The following STPG2 variants were observed in gnomAD, a reference collection of about 807,000 sequenced individuals.
STPG2 encodes the protein sperm-tail PG-rich repeat-containing protein 2.
In STPG2, 56 loss-of-function variants were observed where a neutral mutation model predicts 54.2. That is an observed-to-expected ratio of 1.03 (90% CI 0.83 to 1.29). STPG2 has a LOEUF of 1.29. Among genes scored for constraint, STPG2 ranks in the 50% most tolerant of loss-of-function variants. The pLI is 0.00. For missense variants in STPG2, 596 were observed against 544.9 expected (o/e 1.09, Z -0.93); for synonymous variants, 200 against 181.8 (o/e 1.10, Z -0.81).
At chr4:97,931,642 TTTTGTTTTTGGTTTTTTTG>T (rs1732549041) in intron 8 of STPG2, among the ~76,000 whole-genome samples, 1 of 64,646 alleles carries the variant, frequency 1.5e-5, no homozygotes. Context: ...CTTGAAGTTT[TTTTGTTTTTGGTTTTTTTG>T]TTTTTTGTTG....
intron 4 of STPG2, among the ~76,000 whole-genome samples, chr4:97,528,213 C>A (rs1731327232): frequency 6.6e-6 from 1 of 152,114 alleles, no homozygotes; most frequent in African/African-American, 2.4e-5. Context: ...CAGTTTTTTG[C>A]ATATGGCTAG....
intron 5 of STPG2, among the ~76,000 whole-genome samples, chr4:97,996,882 A>G (rs1467352409): frequency 6.6e-6 from 1 of 152,256 alleles, no homozygotes; most frequent in Non-Finnish European, 1.5e-5. Flanking sequence ...AAAAATGACA[A>G]TCAGGTACCA....
chr4:97,747,943 A>G (rs1263363953), intron 9 of STPG2, among the ~76,000 whole-genome samples: 1 of 151,478 alleles, frequency 6.6e-6, no homozygotes, highest in Non-Finnish European at 1.5e-5. Context: ...TTTTAAAACC[A>G]TGGCTAGTAA....
intron 8 of STPG2, among the ~76,000 whole-genome samples, chr4:97,939,294 G>A (rs1023244786): frequency 7.1e-6 from 1 of 141,566 alleles, no homozygotes; most frequent in African/African-American, 2.7e-5. Context: ...CTCTTGTTTG[G>A]GGGTGGAGAG....
chr4:97,943,624 G>A lies in STPG2; in HGVS notation c.1044+273C>T, dbSNP rs932284190. On this transcript the variant is annotated intron_variant, in intron 8 of 10. Transcript: ENST00000295268. ...AATCTTTTGCTCCATATACAACACAGCAAGTTCAGCTTTCATATATGTCCT... is the reference window on the plus strand; with the variant it reads ...AATCTTTTGCTCCATATACAACACAACAAGTTCAGCTTTCATATATGTCCT... 1.8e-4 allele frequency among the ~76,000 whole-genome samples: 27 copies of A among 152,100 alleles called. 1 individual carries two copies. The highest frequency in any genetic ancestry group is 6.5e-4 in the African/African-American group (27 of 41,418).
At position 97,823,842 on chromosome 4, in the gene STPG2, A is replaced by C. The variant is rs1395426269; in HGVS notation, c.1204+16931T>G. ...ACCTAGGAAATTTAGAGTCTCTCCT[A>C]AGACAGAGAGAGTTAAAGGCCCCTC... On this transcript the variant is annotated intron_variant, in intron 9 of 10. Transcript: ENST00000295268. Among the ~76,000 whole-genome samples the C allele has an allele frequency of 1.3e-5, 2 of 152,116 alleles. 1 individual carries two copies. The highest frequency in any genetic ancestry group is 2.9e-5 in the Non-Finnish European group (2 of 68,020).
intron 8 of STPG2, among the ~76,000 whole-genome samples, chr4:97,923,245 G>A (rs1477573141): frequency 6.6e-6 from 1 of 152,242 alleles, no homozygotes; most frequent in Non-Finnish European, 1.5e-5. Context: ...CCTGCGGGGG[G>A]GTGTGGAGAG....
At chr4:98,025,777 T>C (rs992228713) in intron 5 of STPG2, 6 of 1,571,118 alleles carry the variant, frequency 3.8e-6, no homozygotes, top group Non-Finnish European at 4.3e-6. Flanking sequence ...ATGAATACAA[T>C]GTGGAAAGCA....
intron 9 of STPG2, among the ~76,000 whole-genome samples, chr4:97,809,067 A>G (rs1246546646): frequency 6.6e-6 from 1 of 152,170 alleles, no homozygotes; most frequent in Non-Finnish European, 1.5e-5. Flanking sequence ...AGATTAGACA[A>G]CATGATTGGA....
chr4:97,553,303 G>A lies in STPG2; in HGVS notation c.462+159396C>T, dbSNP rs569063250. Among the ~76,000 whole-genome samples, 100 of 151,892 alleles carry A rather than the reference G, an allele frequency of 6.6e-4. 1 individual carries two copies. Among genetic ancestry groups the A allele is most frequent in the Non-Finnish European group, 1.4e-3 (93 of 67,978 alleles). On this transcript the variant is annotated intron_variant, in intron 4 of 4. Transcript: ENST00000522676. ...GGTATATCATGGCCATTTTATTTTT[G>A]TTACATAATAATATGTTGCTGCAAA... is the stretch of plus-strand genomic sequence containing the variant.
Position 97,981,833 on chromosome 4 carries a change from T to TTTTA in STPG2, c.613-516_613-515insTAAA, listed in dbSNP as rs1342758103. Among the ~76,000 whole-genome samples the TTTTA allele has an allele frequency of 2.1e-5, 3 of 143,380 alleles. No individual in the cohort carries two copies. In the South Asian group the frequency reaches 6.5e-4, roughly 31 times the overall value. 94.1% of individuals were successfully genotyped at this position (143,380 alleles called of 152,430 possible). A position where few individuals can be genotyped will look rare whatever the true frequency, so the allele number is the denominator to read the frequency against. On this transcript the variant is annotated intron_variant, in intron 5 of 10. Transcript: ENST00000295268. Reference sequence around the variant, plus strand: ...TATTAACATTATATATATAAAATGTTTATATATATATATATATATATAACT... The same window carrying TTTTA: ...TATTAACATTATATATATAAAATGTTTTTATATATATATATATATATATATAACT...
chr4:97,816,861 T>C (rs982968963), intron 9 of STPG2, among the ~76,000 whole-genome samples: 1 of 151,018 alleles, frequency 6.6e-6, no homozygotes, highest in Non-Finnish European at 1.5e-5. Flanking sequence ...CCTTTCTTTC[T>C]CTTTCTCTTT....
intron 8 of STPG2, among the ~76,000 whole-genome samples, chr4:97,923,334 C>A (rs1361358598): frequency 1.3e-5 from 2 of 151,100 alleles, no homozygotes; most frequent in South Asian, 4.2e-4. Flanking sequence ...GTGTGGCCCA[C>A]CTCCCCGACA....
chr4:97,914,713 A>G (rs1481231923), intron 8 of STPG2, among the ~76,000 whole-genome samples: 1 of 152,170 alleles, frequency 6.6e-6, no homozygotes, highest in African/African-American at 2.4e-5. Context: ...GAATACTCGC[A>G]TTATGCCAAT....
chr4:97,863,506 T>A (rs185886204), intron 8 of STPG2, among the ~76,000 whole-genome samples: 1 of 152,200 alleles, frequency 6.6e-6, no homozygotes, highest in African/African-American at 2.4e-5. Flanking sequence ...CATAGCCGAA[T>A]TCTACCAGAG....
chr4:97,890,342 C>T (rs1174621723), intron 8 of STPG2, among the ~76,000 whole-genome samples: 1 of 151,826 alleles, frequency 6.6e-6, no homozygotes, highest in Non-Finnish European at 1.5e-5. Flanking sequence ...CTTGCCAACA[C>T]CAAATTTAAA....
intron 8 of STPG2, among the ~76,000 whole-genome samples, chr4:97,928,065 G>T (rs1732401079): frequency 6.6e-6 from 1 of 152,118 alleles, no homozygotes; most frequent in South Asian, 2.1e-4. Flanking sequence ...AGTAGAAAGG[G>T]TAAATTTATT....
chr4:98,142,960 T>C, intron 1 of STPG2, 82 bp downstream of exon 1: 1 of 1,213,306 alleles, frequency 8.2e-7, no homozygotes, highest in East Asian at 2.5e-5. Context: ...CCGCTCTATG[T>C]TTAACTCACA....
At chr4:97,717,556 C>G (rs1250916713) in intron 9 of STPG2, among the ~76,000 whole-genome samples, 1 of 152,134 alleles carries the variant, frequency 6.6e-6, no homozygotes, top group Non-Finnish European at 1.5e-5. Context: ...TCTCTTCAGA[C>G]AGCAATGTCT....
Sources: gnomAD v4.1 joint callset for allele counts (sites outside exome capture counted in the v4.1 genomes callset) on GRCh38, gnomAD v4.1.1 for gene constraint, MANE v1.5 for transcripts, NCBI Gene and HGNC (gene_info 2026-07-23, HGNC 2026-07-21) for gene names.